The following TTC28 variants were observed in gnomAD, a reference collection of about 807,000 sequenced individuals.
TTC28 encodes the protein tetratricopeptide repeat domain 28, also known as tetratricopeptide repeat protein 28.
Under a neutral mutation model 198.0 loss-of-function variants are expected in TTC28, and 61 were observed. The ratio of observed to expected loss-of-function variants is 0.31; its 90% CI spans 0.25 to 0.38. The LOEUF is 0.38. Among genes scored for constraint, TTC28 ranks in the 10% least tolerant of loss-of-function variants. TTC28 has a pLI of 1.00. For synonymous variants in TTC28, 1,171 were observed against 1,297.8 expected (o/e 0.90, Z 2.10); for missense variants, 2,678 against 3,164.0 (o/e 0.85, Z 3.69).
At chr22:28,531,166 C>T (rs1448683784) in intron 2 of TTC28, among the ~76,000 whole-genome samples, 1 of 152,132 alleles carries the variant, frequency 6.6e-6, no homozygotes. Flanking sequence ...GGAGACCCAG[C>T]TCACCTGCAG....
intron 2 of TTC28, among the ~76,000 whole-genome samples, chr22:28,579,648 A>G (rs895016307): frequency 3.3e-5 from 5 of 150,650 alleles, no homozygotes; most frequent in Non-Finnish European, 7.4e-5. Context: ...GTGTGTGTGT[A>G]TAAATACACA....
At chr22:28,257,739 C>CATAAATAT (rs1555952252) in intron 5 of TTC28, among the ~76,000 whole-genome samples, 1 of 96,600 alleles carries the variant, frequency 1.0e-5, no homozygotes, top group Non-Finnish European at 2.0e-5. Context: ...GGTAATAGAA[C>CATAAATAT]ATATATATAT....
At chr22:28,211,375 A>T (rs1450343920) in intron 5 of TTC28, among the ~76,000 whole-genome samples, 1 of 152,192 alleles carries the variant, frequency 6.6e-6, no homozygotes, top group Non-Finnish European at 1.5e-5. Context: ...AGTGTGCTGT[A>T]TTCAGGAGAC....
intron 2 of TTC28, among the ~76,000 whole-genome samples, chr22:28,445,792 A>C (rs1192989947): frequency 6.6e-6 from 1 of 152,014 alleles, no homozygotes; most frequent in Non-Finnish European, 1.5e-5. Context: ...TATGACTCTC[A>C]CACTGTTCCT....
At chr22:28,154,455 C>T (rs1400814391) in intron 6 of TTC28, among the ~76,000 whole-genome samples, 1 of 151,704 alleles carries the variant, frequency 6.6e-6, no homozygotes, top group African/African-American at 2.4e-5. Context: ...AGGTTCATGC[C>T]ATTCTCCTGC....
At chr22:28,233,490 TACA>T (rs1383752256) in intron 5 of TTC28, among the ~76,000 whole-genome samples, 1 of 152,196 alleles carries the variant, frequency 6.6e-6, no homozygotes, top group Non-Finnish European at 1.5e-5. Context: ...CTGTCCATTA[TACA>T]ACTAGTGAAA....
rs565921269 is a variant in TTC28 at position 28,005,464 on chromosome 22, C to A, written c.4219-3911G>T. 7.2e-5 allele frequency among the ~76,000 whole-genome samples: 11 copies of A among 152,302 alleles called. No individual in the cohort carries two copies. The highest frequency in any genetic ancestry group is 2.6e-4 in the African/African-American group (11 of 41,548). On this transcript the variant is annotated intron_variant, in intron 14 of 22. Transcript: ENST00000397906. The surrounding 1 kb of genome is among the most constrained non-coding windows in gnomAD (Gnocchi z 4.9). ...AGGTCCTGAAGCCCTTGTCACTATCCGCTCCAAGATAGGCTGCATTCCTTT... is the reference window on the plus strand; with the variant it reads ...AGGTCCTGAAGCCCTTGTCACTATCAGCTCCAAGATAGGCTGCATTCCTTT...
chr22:28,572,249 C>T (rs564405199), intron 2 of TTC28, among the ~76,000 whole-genome samples: 10 of 151,046 alleles, frequency 6.6e-5, no homozygotes, highest in South Asian at 6.3e-4. Flanking sequence ...GGCTGAGGCA[C>T]GAGAATCCCT....
intron 5 of TTC28, among the ~76,000 whole-genome samples, chr22:28,223,575 G>C (rs1298192084): frequency 6.6e-6 from 1 of 152,132 alleles, no homozygotes; most frequent in African/African-American, 2.4e-5. Context: ...CACAGCAGTG[G>C]AACATCCTGA....
intron 2 of TTC28, among the ~76,000 whole-genome samples, chr22:28,474,307 T>C (rs2048133838): frequency 1.3e-5 from 2 of 152,096 alleles, no homozygotes; most frequent in East Asian, 1.9e-4. Flanking sequence ...AGCAAACCAA[T>C]GTATTTATAT....
intron 12 of TTC28, among the ~76,000 whole-genome samples, chr22:28,037,159 T>G (rs1332086843): frequency 6.6e-6 from 1 of 152,146 alleles, no homozygotes; most frequent in African/African-American, 2.4e-5. Context: ...CCTCCCTAAC[T>G]CATTTTATGA....
chr22:28,548,213 C>T (rs768996149), intron 2 of TTC28, among the ~76,000 whole-genome samples: 3 of 152,164 alleles, frequency 2.0e-5, no homozygotes, highest in Non-Finnish European at 4.4e-5. Context: ...CCCATATCAT[C>T]TTAGAACAAG....
rs1393060613 is a variant in TTC28, at chr22:28,287,409, TCTAA to T, written c.933+8785_933+8788del. ...TTTTCTTAAACAAGACACAAAAGGC[TCTAA>T]CTAATAAACAAAAGTACTGATAAAT... On this transcript the variant is annotated intron_variant, in intron 5 of 22. Transcript: ENST00000397906. 3.3e-5 allele frequency among the ~76,000 whole-genome samples: 5 copies of T among 152,208 alleles called. No individual in the cohort carries two copies. The East Asian group carries it at 7.7e-4, about 23-fold the overall frequency.
chr22:28,466,815 A>G (rs954856481), intron 2 of TTC28, among the ~76,000 whole-genome samples: 2 of 117,438 alleles, frequency 1.7e-5, no homozygotes, highest in African/African-American at 6.9e-5. Context: ...CATTATATAC[A>G]TACATACACA....
chr22:28,494,792 G>A (rs1457400527), intron 2 of TTC28, among the ~76,000 whole-genome samples: 1 of 151,902 alleles, frequency 6.6e-6, no homozygotes, highest in African/African-American at 2.4e-5. Context: ...GAGGAGGAAA[G>A]GAAGGGGGAA....
At chr22:28,514,078 T>C (rs2048736488) in intron 2 of TTC28, among the ~76,000 whole-genome samples, 1 of 152,150 alleles carries the variant, frequency 6.6e-6, no homozygotes, top group Non-Finnish European at 1.5e-5. Flanking sequence ...CTAATAAAAA[T>C]TTAAGAGTAA....
At chr22:28,593,842 A>G (rs538571448) in intron 2 of TTC28, among the ~76,000 whole-genome samples, 1 of 152,294 alleles carries the variant, frequency 6.6e-6, no homozygotes, top group Admixed American at 6.5e-5. Flanking sequence ...GCCATTTACT[A>G]GTTCTACGAC....
intron 1 of TTC28, among the ~76,000 whole-genome samples, chr22:28,632,708 G>A (rs1273619980): frequency 2.7e-5 from 4 of 150,824 alleles, no homozygotes; most frequent in African/African-American, 9.8e-5. Flanking sequence ...CATAAAAATA[G>A]CAAGTAAAGA....
At chr22:28,028,856 C>G in intron 13 of TTC28, 1 of 380,282 alleles carries the variant, frequency 2.6e-6, no homozygotes, top group South Asian at 2.0e-5. Flanking sequence ...TTACAGGAAC[C>G]CTGCAGGGTA....
Sources: allele counts gnomAD v4.1 joint callset (sites outside exome capture counted in the v4.1 genomes callset), GRCh38; gene constraint gnomAD v4.1.1; non-coding constraint Gnocchi (gnomAD v3.1); transcripts MANE v1.5; gene names NCBI Gene and HGNC (gene_info 2026-07-23, HGNC 2026-07-21).